The following LRRC7 variants were observed in gnomAD, a reference collection of about 807,000 sequenced individuals.
LRRC7 encodes leucine-rich repeat-containing protein 7.
LRRC7 carries 23 observed loss-of-function variants against 175.7 expected under a neutral mutation model. The ratio of observed to expected loss-of-function variants is 0.13; its 90% CI spans 0.09 to 0.19. The LOEUF (loss-of-function observed/expected upper bound fraction) is 0.19. LRRC7 is among the 10% of genes least tolerant of loss of function. The pLI, the probability that LRRC7 is intolerant of heterozygous loss-of-function variation, is 1.00. For missense variants in LRRC7, 1,354 were observed against 1,904.7 expected (o/e 0.71, Z 5.38); for synonymous variants, 685 against 680.9 (o/e 1.01, Z -0.09).
chr1:69,656,832 G>A (rs2100511849), intron 1 of LRRC7, among the ~76,000 whole-genome samples: 1 of 151,874 alleles, frequency 6.6e-6, no homozygotes, highest in East Asian at 1.9e-4. Flanking sequence ...AGGGCTCTAG[G>A]TTAACCACTT....
At chr1:69,770,740 T>C (rs1030872993) in intron 3 of LRRC7, among the ~76,000 whole-genome samples, 1 of 152,196 alleles carries the variant, frequency 6.6e-6, no homozygotes, top group African/African-American at 2.4e-5. Context: ...CTTAAGGGTT[T>C]GTCTTTCATA....
intron 2 of LRRC7, among the ~76,000 whole-genome samples, chr1:69,758,352 A>G (rs1039306659): frequency 1.3e-5 from 2 of 152,072 alleles, no homozygotes; most frequent in South Asian, 4.1e-4. Flanking sequence ...TACCATGTGC[A>G]AACAATCGTC....
chr1:69,917,121 G>C (rs1646743624), intron 7 of LRRC7, among the ~76,000 whole-genome samples: 1 of 152,098 alleles, frequency 6.6e-6, no homozygotes, highest in Non-Finnish European at 1.5e-5. Context: ...ATTTTTATTA[G>C]AACTTTCTCC....
intron 3 of LRRC7, among the ~76,000 whole-genome samples, chr1:69,781,566 C>T (rs1673490983): frequency 6.6e-6 from 1 of 150,618 alleles, no homozygotes; most frequent in Non-Finnish European, 1.5e-5. Context: ...ACTGTAATCC[C>T]AGCTACTTGG....
intron 1 of LRRC7, among the ~76,000 whole-genome samples, chr1:69,588,106 T>G (rs577398358): frequency 6.6e-6 from 1 of 152,308 alleles, no homozygotes; most frequent in South Asian, 2.1e-4. Flanking sequence ...ATTTTCTCCA[T>G]GAAGGCTTTC....
chr1:69,601,795 A>G (rs920948204), intron 1 of LRRC7, among the ~76,000 whole-genome samples: 2 of 152,178 alleles, frequency 1.3e-5, no homozygotes, highest in African/African-American at 4.8e-5. Flanking sequence ...GGATAAAGTG[A>G]ATATACATGC....
intron 21 of LRRC7, among the ~76,000 whole-genome samples, chr1:70,040,305 A>G (rs891497213): frequency 6.6e-6 from 1 of 152,058 alleles, no homozygotes; most frequent in Non-Finnish European, 1.5e-5. Flanking sequence ...TTTCCCAACA[A>G]GAAACAGAAA....
chr1:69,947,655 C>T (rs1649480244), intron 8 of LRRC7, among the ~76,000 whole-genome samples: 1 of 152,018 alleles, frequency 6.6e-6, no homozygotes, highest in Non-Finnish European at 1.5e-5. Flanking sequence ...CTTTTCATTT[C>T]TGTACCAGGC....
intron 3 of LRRC7, among the ~76,000 whole-genome samples, chr1:69,775,802 C>T (rs1193750376): frequency 6.6e-6 from 1 of 152,134 alleles, no homozygotes; most frequent in Non-Finnish European, 1.5e-5. Flanking sequence ...ATCATATTTA[C>T]TGTATTCTGT....
At position 70,039,811 on chromosome 1, in the gene LRRC7, CTG is replaced by C. The variant is rs1659704606; in HGVS notation, c.3969+20_3969+21del. On this transcript the variant is annotated intron_variant, in intron 21 of 26. Transcript: ENST00000651989. ...TAGACAGGGTATGTCTGGTGTTTCT[CTG>C]TAAGAATATCCCTCCTGCCTTTAGT... 6.5e-7 allele frequency: 1 copy of C among 1,548,808 alleles called. No homozygotes were observed. Among genetic ancestry groups the C allele is most frequent in the Non-Finnish European group, 8.7e-7 (1 of 1,151,962 alleles).
intron 2 of LRRC7, among the ~76,000 whole-genome samples, chr1:69,729,206 C>G (rs1020427963): frequency 6.6e-6 from 1 of 152,254 alleles, no homozygotes; most frequent in Admixed American, 6.5e-5. Context: ...GGTGGGGACA[C>G]AGCCAAACCA....
At chr1:69,949,326 C>G (rs2101817856) in intron 8 of LRRC7, among the ~76,000 whole-genome samples, 1 of 152,190 alleles carries the variant, frequency 6.6e-6, no homozygotes, top group African/African-American at 2.4e-5. Context: ...AATCCCAACA[C>G]TTTAGGAGGC....
intron 5 of LRRC7, 67 bp from the exon 6 acceptor site, chr1:69,834,713 C>T: frequency 8.9e-7 from 1 of 1,124,732 alleles, no homozygotes; most frequent in Non-Finnish European, 1.3e-6. Context: ...CTCAGAGATA[C>T]ATATTTTTTT....
chr1:69,786,401 T>A (rs1247880551), intron 3 of LRRC7, among the ~76,000 whole-genome samples: 1 of 152,082 alleles, frequency 6.6e-6, no homozygotes, highest in Non-Finnish European at 1.5e-5. Context: ...TCCTTTGCTA[T>A]TCCTTTCTGT....
intron 17 of LRRC7, among the ~76,000 whole-genome samples, chr1:70,027,831 C>G (rs1235819757): frequency 6.6e-6 from 1 of 152,140 alleles, no homozygotes; most frequent in Admixed American, 6.6e-5. Flanking sequence ...AGAACAGTGT[C>G]TAAAGTAAGA....
At chr1:70,059,828 G>A (rs1661439676) in intron 23 of LRRC7, among the ~76,000 whole-genome samples, 1 of 151,288 alleles carries the variant, frequency 6.6e-6, no homozygotes, top group Non-Finnish European at 1.5e-5. Flanking sequence ...ATTCCTACTG[G>A]GATTTTACTT....
At chr1:69,793,110 G>A (rs1048729709) in intron 4 of LRRC7, among the ~76,000 whole-genome samples, 1 of 152,106 alleles carries the variant, frequency 6.6e-6, no homozygotes, top group African/African-American at 2.4e-5. Flanking sequence ...TGAGGAGACA[G>A]GAATGCAGGC....
intron 7 of LRRC7, among the ~76,000 whole-genome samples, chr1:69,863,473 A>G (rs1055637075): frequency 6.6e-6 from 1 of 152,204 alleles, no homozygotes; most frequent in Non-Finnish European, 1.5e-5. Flanking sequence ...GGTATGCATT[A>G]ATAGGTTGTA....
intron 4 of LRRC7, among the ~76,000 whole-genome samples, chr1:69,825,458 A>G (rs1478841186): frequency 1.3e-5 from 2 of 152,084 alleles, no homozygotes; most frequent in African/African-American, 4.8e-5. Context: ...GTTACCAAAG[A>G]TCAAAGATTT....
Sources: gnomAD v4.1 joint callset for allele counts (sites outside exome capture counted in the v4.1 genomes callset) on GRCh38, gnomAD v4.1.1 for gene constraint, MANE v1.5 for transcripts, NCBI Gene and HGNC (gene_info 2026-07-23, HGNC 2026-07-21) for gene names.